NDRG1: variants seen among roughly 807,000 people sequenced by gnomAD.
NDRG1 encodes the protein protein NDRG1.
A neutral mutation model predicts 56.9 loss-of-function variants in NDRG1; 32 were observed. The ratio of observed to expected loss-of-function variants is 0.56; its 90% CI spans 0.42 to 0.76. The LOEUF (loss-of-function observed/expected upper bound fraction) is 0.76. NDRG1 is among the 30% of genes least tolerant of loss of function. The probability of loss-of-function intolerance (pLI) is 0.00; values close to 1 mark genes in which losing one functional copy is unlikely to be tolerated. For synonymous variants in NDRG1, 211 were observed against 204.1 expected (o/e 1.03, Z -0.29); for missense variants, 507 against 545.7 (o/e 0.93, Z 0.71).
chr8:133,292,846 G>A (rs562809346), intron 1 of NDRG1, among the ~76,000 whole-genome samples: 1 of 152,254 alleles, frequency 6.6e-6, no homozygotes, highest in East Asian at 1.9e-4. Context: ...GGCACTCAAG[G>A]CCCCCAGACT....
chr8:133,241,877 C>T, intron 15 of NDRG1, 146 bp downstream of exon 15: 1 of 875,048 alleles, frequency 1.1e-6, no homozygotes, highest in Non-Finnish European at 1.9e-6. Flanking sequence ...TGCCACATGC[C>T]CTCCACACAC....
chr8:133,251,707 C>G (rs1856057132), intron 9 of NDRG1, among the ~76,000 whole-genome samples: 1 of 152,118 alleles, frequency 6.6e-6, no homozygotes, highest in African/African-American at 2.4e-5. Flanking sequence ...GTGGGCTAAA[C>G]TGTGGCCCTC....
chr8:133,271,161 C>T (rs572653745), intron 3 of NDRG1, among the ~76,000 whole-genome samples: 1 of 152,262 alleles, frequency 6.6e-6, no homozygotes, highest in Admixed American at 6.5e-5. Context: ...GGGCAGATGC[C>T]GACCGTTCTA....
chr8:133,247,669 A>G (rs79935571), intron 12 of NDRG1, among the ~76,000 whole-genome samples: 51 of 152,336 alleles, frequency 3.3e-4, no homozygotes, highest in African/African-American at 1.1e-3. Flanking sequence ...GAGAGGAGAC[A>G]CTGCCAAGCA....
At chr8:133,278,542 C>A (rs1000606449) in intron 3 of NDRG1, among the ~76,000 whole-genome samples, 1 of 152,204 alleles carries the variant, frequency 6.6e-6, no homozygotes, top group Non-Finnish European at 1.5e-5. Context: ...GACCTCAGCA[C>A]ATGAGTGGTG....
intron 14 of NDRG1, among the ~76,000 whole-genome samples, chr8:133,242,643 T>C (rs1194768954): frequency 2.6e-5 from 4 of 151,194 alleles, no homozygotes; most frequent in African/African-American, 7.3e-5. Context: ...TCAGCCTCAA[T>C]AGCAGGCTGG....
chr8:133,244,143 C>T (rs1379407903), intron 14 of NDRG1, among the ~76,000 whole-genome samples: 1 of 152,174 alleles, frequency 6.6e-6, no homozygotes, highest in Admixed American at 6.5e-5. Flanking sequence ...TGGCAAATCC[C>T]CCAACCTCTG....
intron 1 of NDRG1, chr8:133,284,963 T>A (rs1354686115): frequency 2.5e-6 from 1 of 407,840 alleles, no homozygotes; most frequent in Non-Finnish European, 5.0e-6. Context: ...GAACGCACAG[T>A]ACAATTTTGT....
chr8:133,254,542 C>T lies in NDRG1; in HGVS notation c.591G>A (p.Gly197=), dbSNP rs377257830. 8.2e-5 allele frequency: 132 copies of T among 1,613,980 alleles called. No homozygotes were observed. The highest frequency in any genetic ancestry group is 1.1e-4 in the Non-Finnish European group (127 of 1,179,968). Residue 197 remains glycine, a synonymous_variant, in exon 9 of 16, where the codon GGG becomes GGA. Transcript: ENST00000323851. Reference sequence around the variant, plus strand: ...TTTGCCAGACCACGCAACTCACCTTCCCAAAAAGGTGGGACACCACCATGT... The same window carrying T: ...TTTGCCAGACCACGCAACTCACCTTTCCAAAAAGGTGGGACACCACCATGT... ...LPDMVVSHLF[G]KEEMQSNVEV...
chr8:133,248,821 A>C, intron 10 of NDRG1, 50 bp from the exon 11 acceptor site: 1 of 1,608,676 alleles, frequency 6.2e-7, no homozygotes, highest in South Asian at 1.1e-5. Flanking sequence ...CCCTGGAGAA[A>C]TCTCCCACTC....
At chr8:133,246,106 G>C (rs1855663106) in intron 13 of NDRG1, among the ~76,000 whole-genome samples, 1 of 152,242 alleles carries the variant, frequency 6.6e-6, no homozygotes, top group Non-Finnish European at 1.5e-5. Context: ...ATCTCCGGAC[G>C]AGGCCGCCAC....
Position 133,262,297 on chromosome 8 carries a change from A to T in NDRG1, c.206-130T>A. ...GTAGGAAGTGAACTTAGAAGAACAC[A>T]GATGTTGGCGTTTTTTGTTTTTTGG... On this transcript the variant is annotated intron_variant, in intron 4 of 15. Transcript: ENST00000323851. The T allele has an allele frequency of 3.2e-6, 4 of 1,232,048 alleles. No individual in the cohort carries two copies. The East Asian group carries it at 9.7e-5, about 30-fold the overall frequency. The allele number at this position is 1,232,048 out of a possible 1,614,324, so 76.3% of individuals were successfully genotyped here.
At chr8:133,266,973 T>C (rs910486753) in intron 3 of NDRG1, among the ~76,000 whole-genome samples, 11 of 151,998 alleles carry the variant, frequency 7.2e-5, no homozygotes, top group African/African-American at 2.2e-4. Context: ...GGCATCCAAT[T>C]CCCAGGTTCC....
At chr8:133,256,729 T>C (rs1163705538) in intron 8 of NDRG1, 48 bp downstream of exon 8, 2 of 1,572,132 alleles carry the variant, frequency 1.3e-6, no homozygotes, top group Admixed American at 3.4e-5. Flanking sequence ...TGTGCACCTG[T>C]CCCTCTTCTT....
At chr8:133,282,866 T>C (rs1290198605) in intron 2 of NDRG1, among the ~76,000 whole-genome samples, 3 of 152,224 alleles carry the variant, frequency 2.0e-5, no homozygotes, top group African/African-American at 7.2e-5. Flanking sequence ...CAAGCATCTG[T>C]AGCCTCCCCA....
At chr8:133,252,753 T>C (rs7835058) in intron 9 of NDRG1, among the ~76,000 whole-genome samples, 15,404 of 103,606 alleles carry the variant, frequency 0.15, 979 homozygotes, top group Middle Eastern at 0.24. Context: ...GGCCTCTGTT[T>C]CCCTCGTACA....
At chr8:133,246,843 ACCAG>A (rs1855712265) in intron 12 of NDRG1, among the ~76,000 whole-genome samples, 180 bp from the exon 13 acceptor site, 1 of 152,218 alleles carries the variant, frequency 6.6e-6, no homozygotes, top group Non-Finnish European at 1.5e-5. Flanking sequence ...CCTTGCCATT[ACCAG>A]CTGTGACAAC....
intron 2 of NDRG1, among the ~76,000 whole-genome samples, chr8:133,282,790 G>A (rs780986363): frequency 6.6e-6 from 1 of 152,198 alleles, no homozygotes; most frequent in Non-Finnish European, 1.5e-5. Context: ...GGCCTTCAAT[G>A]CCTAAGATAT....
chr8:133,247,189 C>T (rs1855736058), intron 12 of NDRG1, among the ~76,000 whole-genome samples: 1 of 152,218 alleles, frequency 6.6e-6, no homozygotes, highest in African/African-American at 2.4e-5. Context: ...ACTATCACCT[C>T]CCTTGATTTG....
Sources: gnomAD v4.1 joint callset for allele counts (sites outside exome capture counted in the v4.1 genomes callset) on GRCh38, gnomAD v4.1.1 for gene constraint, MANE v1.5 for transcripts, NCBI Gene and HGNC (gene_info 2026-07-23, HGNC 2026-07-21) for gene names.